The following WDR27 variants were observed in gnomAD, a reference collection of about 807,000 sequenced individuals.
The protein encoded by WDR27 is WD repeat domain 27.
WDR27 carries 100 observed loss-of-function variants against 114.4 expected under a neutral mutation model. The ratio of observed to expected loss-of-function variants is 0.87; its 90% CI spans 0.74 to 1.03. The LOEUF (loss-of-function observed/expected upper bound fraction) is 1.03. Among genes scored for constraint, WDR27 ranks in the 50% least tolerant of loss-of-function variants. The pLI, the probability that WDR27 is intolerant of heterozygous loss-of-function variation, is 0.00. For missense variants in WDR27, 1,129 were observed against 1,092.9 expected (o/e 1.03, Z -0.47); for synonymous variants, 449 against 423.1 (o/e 1.06, Z -0.75).
intron 17 of WDR27, among the ~76,000 whole-genome samples, chr6:169,638,949 T>C (rs907153413): frequency 2.0e-5 from 3 of 152,138 alleles, no homozygotes; most frequent in Admixed American, 2.0e-4. Flanking sequence ...AGGTGTGGGT[T>C]TGTTAGGAGC....
intron 24 of WDR27, among the ~76,000 whole-genome samples, chr6:169,575,265 T>TCTCTCTCCCTCCATCCCTCCCTCCCTCC (rs1802077298): frequency 7.0e-6 from 1 of 143,100 alleles, no homozygotes. Context: ...CCTCCTTCCC[T>TCTCTCTCCCTCCATCCCTCCCTCCCTCC]CTCTCTCCAT....
chr6:169,588,685 G>C (rs760696523), intron 23 of WDR27, among the ~76,000 whole-genome samples: 6 of 152,172 alleles, frequency 3.9e-5, no homozygotes, highest in African/African-American at 7.2e-5. Flanking sequence ...GTGGCGTGGG[G>C]CCTGGGAATG....
intron 25 of WDR27, among the ~76,000 whole-genome samples, chr6:169,493,587 T>G (rs1790044226): frequency 6.6e-6 from 1 of 152,182 alleles, no homozygotes; most frequent in African/African-American, 2.4e-5. Flanking sequence ...AGTAACCAAT[T>G]GCTTTTATTT....
At chr6:169,536,697 A>G (rs1476220631) in intron 25 of WDR27, among the ~76,000 whole-genome samples, 1 of 152,120 alleles carries the variant, frequency 6.6e-6, no homozygotes, top group African/African-American at 2.4e-5. Flanking sequence ...AAGTGATCAG[A>G]TGTTAAGTCA....
At chr6:169,495,507 T>G (rs1790284798) in intron 25 of WDR27, among the ~76,000 whole-genome samples, 1 of 104,346 alleles carries the variant, frequency 9.6e-6, no homozygotes, top group Non-Finnish European at 2.0e-5. Context: ...AACAAAAAGT[T>G]GATTCTTTGA....
chr6:169,468,856 G>A (rs1228451161), intron 25 of WDR27, among the ~76,000 whole-genome samples: 1 of 152,192 alleles, frequency 6.6e-6, no homozygotes, highest in East Asian at 1.9e-4. Context: ...ACTTGGTTGA[G>A]TTCTGGTGAT....
chr6:169,519,121 C>A (rs1031130813), intron 25 of WDR27, among the ~76,000 whole-genome samples: 2 of 152,182 alleles, frequency 1.3e-5, no homozygotes, highest in Non-Finnish European at 2.9e-5. Context: ...ATAGCACTAT[C>A]AACATTTTGG....
intron 25 of WDR27, among the ~76,000 whole-genome samples, chr6:169,507,530 C>T (rs540972722): frequency 2.6e-5 from 4 of 152,236 alleles, no homozygotes; most frequent in African/African-American, 9.6e-5. Flanking sequence ...GCATGGTTGA[C>T]AGGTTGGAGC....
intron 25 of WDR27, among the ~76,000 whole-genome samples, chr6:169,512,492 A>G (rs1312869060): frequency 6.6e-6 from 1 of 152,236 alleles, no homozygotes; most frequent in Admixed American, 6.5e-5. Flanking sequence ...TGGGAACTTT[A>G]ATTTGTAATG....
Position 169,561,580 on chromosome 6 carries a change from C to G in WDR27, c.2645+10839G>C, listed in dbSNP as rs141389672. On this transcript the variant is annotated intron_variant, in intron 25 of 25. Coordinates refer to ENST00000448612, the MANE Select transcript of WDR27 (RefSeq NM_182552.5). ...TAAACAAAGAGTTACACCTAAGAAG[C>G]CAAAAAAAAAGATGATAAATGGAAA... Among the ~76,000 whole-genome samples, 16 of 149,652 alleles carry G rather than the reference C, an allele frequency of 1.1e-4. 1 individual carries two copies. In the East Asian group the frequency reaches 3.1e-3, roughly 29 times the overall value.
intron 12 of WDR27, among the ~76,000 whole-genome samples, 174 bp from the exon 13 acceptor site, chr6:169,658,532 AT>A (rs1177663661): frequency 1.3e-5 from 2 of 152,194 alleles, no homozygotes; most frequent in Non-Finnish European, 2.9e-5. Flanking sequence ...TAGGAAAAAA[AT>A]ATTCTTAATA....
At chr6:169,631,429 G>C (rs959883122) in intron 21 of WDR27, among the ~76,000 whole-genome samples, 2 of 152,040 alleles carry the variant, frequency 1.3e-5, no homozygotes, top group South Asian at 2.1e-4. Flanking sequence ...GGTGGGGTGG[G>C]GGGGTGGAAG....
chr6:169,457,581 T>C lies in WDR27; in HGVS notation c.*11A>G, dbSNP rs1313262791. ...TTCCTGGACCCAGCTCACAGGTCAG[T>C]GGTTACTCAGCTAGAAAGAGCTGGA... On this transcript the variant is annotated 3_prime_UTR_variant, in exon 26 of 26. Transcript: ENST00000448612. The C allele has an allele frequency of 1.3e-6, 2 of 1,551,584 alleles. No homozygotes were observed. Among genetic ancestry groups the C allele is most frequent in the Admixed American group, 2.0e-5 (1 of 50,968 alleles).
chr6:169,665,496 G>A lies in WDR27; in HGVS notation c.773C>T (p.Ala258Val). Residue 258 changes from alanine (A) to valine (V), a missense_variant, in exon 7 of 26, where the codon GCT becomes GTT. Ala to Val is a moderately conservative substitution (Grantham distance 64). Coordinates refer to ENST00000448612, the MANE Select transcript of WDR27 (RefSeq NM_182552.5). ...CTGTGGCTGTCTCACCTGGCCGTCAGCACACCCGGTGACCAGCTGCCTGCT... is the reference window on the plus strand; with the variant it reads ...CTGTGGCTGTCTCACCTGGCCGTCAACACACCCGGTGACCAGCTGCCTGCT... ...AESRQLVTGC[A>V]DGQLWIFSLM... 1 of 1,613,542 alleles carries A rather than the reference G, an allele frequency of 6.2e-7. No individual in the cohort carries two copies. Among genetic ancestry groups the A allele is most frequent in the East Asian group, 2.2e-5 (1 of 44,874 alleles).
intron 1 of WDR27, among the ~76,000 whole-genome samples, chr6:169,695,142 T>C (rs1785544721): frequency 6.6e-6 from 1 of 152,176 alleles, no homozygotes; most frequent in African/African-American, 2.4e-5. Context: ...ATGGAATAAA[T>C]ATTTACAAAT....
intron 21 of WDR27, among the ~76,000 whole-genome samples, chr6:169,615,798 T>C (rs1263314661): frequency 1.3e-5 from 2 of 152,158 alleles, no homozygotes; most frequent in Non-Finnish European, 2.9e-5. Context: ...AATTAAACTT[T>C]AGAGCTTCTG....
the WDR27 span, among the ~76,000 whole-genome samples, chr6:169,429,720 A>G: frequency 1.3e-5 from 2 of 152,210 alleles, no homozygotes; most frequent in African/African-American, 2.4e-5. Flanking sequence ...CTGAAGGGTT[A>G]TTAAAACACA....
chr6:169,635,079 A>C (rs941560090), intron 19 of WDR27, among the ~76,000 whole-genome samples: 1 of 152,164 alleles, frequency 6.6e-6, no homozygotes, highest in African/African-American at 2.4e-5. Flanking sequence ...AGTAAAAATA[A>C]ACTTTAGGCC....
At chr6:169,640,107 G>A (rs1818789676) in intron 17 of WDR27, among the ~76,000 whole-genome samples, 3 of 152,140 alleles carry the variant, frequency 2.0e-5, no homozygotes. Context: ...GACGACAAAT[G>A]ACCCTAGACC....
Sources: gnomAD v4.1 joint callset for allele counts (sites outside exome capture counted in the v4.1 genomes callset) on GRCh38, gnomAD v4.1.1 for gene constraint, MANE v1.5 for transcripts, NCBI Gene and HGNC (gene_info 2026-07-23, HGNC 2026-07-21) for gene names.